FRMD4B: variants seen among roughly 807,000 people sequenced by gnomAD.
FRMD4B encodes the protein FERM domain-containing protein 4B.
FRMD4B carries 74 observed loss-of-function variants against 141.5 expected under a neutral mutation model. The ratio of observed to expected loss-of-function variants is 0.52; its 90% CI spans 0.43 to 0.63. FRMD4B has a LOEUF of 0.63. Among genes scored for constraint, FRMD4B ranks in the 30% least tolerant of loss-of-function variants. The probability of loss-of-function intolerance (pLI) is 0.00; values close to 1 mark genes in which losing one functional copy is unlikely to be tolerated. For missense variants in FRMD4B, 1,366 were observed against 1,253.4 expected (o/e 1.09, Z -1.36); for synonymous variants, 506 against 467.9 (o/e 1.08, Z -1.05).
intron 11 of FRMD4B, among the ~76,000 whole-genome samples, chr3:69,210,303 T>C (rs1387479595): frequency 1.3e-5 from 2 of 152,258 alleles, no homozygotes; most frequent in African/African-American, 2.4e-5. Context: ...AAATCTGTCA[T>C]GACATAGACT....
intron 1 of FRMD4B, among the ~76,000 whole-genome samples, chr3:69,463,864 C>G (rs1265056126): frequency 1.3e-5 from 2 of 152,174 alleles, no homozygotes; most frequent in Non-Finnish European, 2.9e-5. Context: ...GCCTCATCTC[C>G]TGAGTACAGC....
intron 1 of FRMD4B, among the ~76,000 whole-genome samples, chr3:69,520,226 TATATATATGATGGA>T (rs1700834503): frequency 1.1e-5 from 1 of 95,004 alleles, no homozygotes; most frequent in African/African-American, 5.6e-5. Flanking sequence ...TATGATGGAA[TATATATATGATGGA>T]ATATATATAT....
intron 19 of FRMD4B, among the ~76,000 whole-genome samples, 194 bp downstream of exon 19, chr3:69,187,576 T>C (rs2092783681): frequency 6.8e-6 from 1 of 147,360 alleles, no homozygotes; most frequent in African/African-American, 2.5e-5. Flanking sequence ...TACATATATA[T>C]ATATGTATAT....
At chr3:69,189,747 C>T (rs1467546492) in intron 18 of FRMD4B, 149 bp downstream of exon 18, 1 of 600,204 alleles carries the variant, frequency 1.7e-6, no homozygotes, top group Non-Finnish European at 3.0e-6. Flanking sequence ...TCATACACTT[C>T]CTTTCCCAAC....
At chr3:69,493,837 TG>T (rs1553647445) in intron 1 of FRMD4B, among the ~76,000 whole-genome samples, 3 of 152,210 alleles carry the variant, frequency 2.0e-5, no homozygotes, top group Non-Finnish European at 4.4e-5. Flanking sequence ...GGAAGGAGTA[TG>T]ATACGTTTTG....
At chr3:69,389,311 G>A (rs112315010), upstream of FRMD4B, among the ~76,000 whole-genome samples, 4,446 of 152,144 alleles carry the variant, frequency 0.029, 222 homozygotes, top group African/African-American at 0.1. Context: ...GATTACAGGC[G>A]TGAGCCACTG....
chr3:69,327,882 T>G (rs1034582157), intron 1 of FRMD4B, among the ~76,000 whole-genome samples: 26 of 152,220 alleles, frequency 1.7e-4, no homozygotes, highest in African/African-American at 6.3e-4. Context: ...CTTATATTAT[T>G]TAGTCATGAA....
At chr3:69,224,524 T>C in intron 8 of FRMD4B, 83 bp downstream of exon 8, 1 of 722,410 alleles carries the variant, frequency 1.4e-6, no homozygotes, top group Non-Finnish European at 2.5e-6. Flanking sequence ...TTCCCACTTA[T>C]ATTTCTTTTA....
rs1701047496 is a variant in FRMD4B at position 69,296,770 on chromosome 3, G to A, written c.416+5573C>T. ...TCTGATGGCTTTAAACAAATGCATG[G>A]TTATCTGGTCACAAACATTTTATCC... On this transcript the variant is annotated intron_variant, in intron 4 of 22. Coordinates refer to ENST00000398540, the MANE Select transcript of FRMD4B (RefSeq NM_015123.3). Among the ~76,000 whole-genome samples, 3 of 152,034 alleles carry A rather than the reference G, an allele frequency of 2.0e-5. 1 individual carries two copies. In the South Asian group the frequency reaches 6.2e-4, roughly 32 times the overall value.
At chr3:69,272,224 C>A (rs913048210) in intron 5 of FRMD4B, among the ~76,000 whole-genome samples, 1 of 152,120 alleles carries the variant, frequency 6.6e-6, no homozygotes, top group Non-Finnish European at 1.5e-5. Context: ...TAACTGCAAC[C>A]TCTACCACCT....
intron 5 of FRMD4B, among the ~76,000 whole-genome samples, chr3:69,280,070 A>G (rs891319245): frequency 1.3e-5 from 2 of 152,142 alleles, no homozygotes; most frequent in Admixed American, 6.6e-5. Flanking sequence ...GGCACCTCCA[A>G]GAATAATAAC....
chr3:69,334,620 C>G (rs1213870614), intron 1 of FRMD4B, among the ~76,000 whole-genome samples: 1 of 152,156 alleles, frequency 6.6e-6, no homozygotes, highest in African/African-American at 2.4e-5. Context: ...TTAACTGTGA[C>G]AGCATTCTTC....
chr3:69,512,991 T>G (rs1389494628), intron 1 of FRMD4B, among the ~76,000 whole-genome samples: 1 of 151,986 alleles, frequency 6.6e-6, no homozygotes. Context: ...AACCTAACTT[T>G]ATAACTCAAA....
intron 19 of FRMD4B, 113 bp from the exon 20 acceptor site, chr3:69,182,830 G>A (rs539856961): frequency 1.5e-4 from 142 of 962,840 alleles, no homozygotes; most frequent in South Asian, 8.3e-4. Flanking sequence ...GGAAAATAGG[G>A]AGAAAGATAG....
chr3:69,431,407 A>G (rs1705176766), intron 2 of FRMD4B, among the ~76,000 whole-genome samples: 2 of 152,180 alleles, frequency 1.3e-5, no homozygotes, highest in Non-Finnish European at 2.9e-5. Context: ...GCCCAGAGTT[A>G]AAGAACTGAT....
At chr3:69,521,650 C>T (rs1373355414) in intron 1 of FRMD4B, among the ~76,000 whole-genome samples, 2 of 152,158 alleles carry the variant, frequency 1.3e-5, no homozygotes, top group African/African-American at 4.8e-5. Flanking sequence ...AATCTTGCCT[C>T]ACTACTCCCT....
intron 1 of FRMD4B, among the ~76,000 whole-genome samples, chr3:69,434,373 T>TA (rs1172080795): frequency 1.3e-5 from 2 of 152,240 alleles, no homozygotes; most frequent in Admixed American, 6.5e-5. Flanking sequence ...TGGATGCTAT[T>TA]ATACTAGGAA....
At chr3:69,365,614 G>T (rs1488496477) in intron 1 of FRMD4B, among the ~76,000 whole-genome samples, 3 of 151,346 alleles carry the variant, frequency 2.0e-5, no homozygotes, top group Admixed American at 6.6e-5. Flanking sequence ...CAATTCTCCT[G>T]CCTTAGCCTC....
At chr3:69,243,038 G>T (rs1180543402) in intron 7 of FRMD4B, among the ~76,000 whole-genome samples, 2 of 149,408 alleles carry the variant, frequency 1.3e-5, no homozygotes, top group Admixed American at 6.7e-5. Context: ...ACTCATTTGT[G>T]GCTGGCAGCT....
Sources: gnomAD v4.1 joint callset for allele counts (sites outside exome capture counted in the v4.1 genomes callset) on GRCh38, gnomAD v4.1.1 for gene constraint, MANE v1.5 for transcripts, NCBI Gene and HGNC (gene_info 2026-07-23, HGNC 2026-07-21) for gene names.